FAM20A: variants seen among roughly 807,000 people sequenced by gnomAD.
The protein encoded by FAM20A is FAM20A golgi associated secretory pathway pseudokinase, also known as pseudokinase FAM20A.
FAM20A carries 42 observed loss-of-function variants against 52.0 expected under a neutral mutation model. That is an observed-to-expected ratio of 0.81 (90% CI 0.63 to 1.04). FAM20A has a LOEUF of 1.04. Ranked by LOEUF, FAM20A falls within the 50% of genes least tolerant of loss-of-function variation. FAM20A has a pLI of 0.00. For synonymous variants in FAM20A, 304 were observed against 298.9 expected, an observed-to-expected ratio of 1.02 and a Z score of -0.18; for missense variants, 742 against 712.7, an observed-to-expected ratio of 1.04 and a Z score of -0.47.
chr17:68,594,720 C>T (rs1212646495), intron 1 of FAM20A, among the ~76,000 whole-genome samples: 1 of 152,166 alleles, frequency 6.6e-6, no homozygotes, highest in Non-Finnish European at 1.5e-5. Flanking sequence ...TAATCTTAGC[C>T]TAAAGATTGC....
chr17:68,537,858 C>T lies in FAM20A; in HGVS notation c.1362-117G>A, dbSNP rs1191872072. The T allele has an allele frequency of 2.6e-6, 3 of 1,147,922 alleles. No homozygotes were observed. The highest frequency in any genetic ancestry group is 3.1e-5 in the African/African-American group (2 of 64,950). The allele number at this position is 1,147,922 out of a possible 1,614,324, so 71.1% of individuals were successfully genotyped here. ...ATACTCTTGGCGCCTCTCCTTGTGT[C>T]TTCTCAGGCACATTTTAATGGAAAC... On this transcript the variant is annotated intron_variant, in intron 10 of 10. Coordinates refer to ENST00000592554, the MANE Select transcript of FAM20A (RefSeq NM_017565.4). This position sits in a 1 kb window ranked among gnomAD's most constrained non-coding sequence, Gnocchi z 4.2.
intron 1 of FAM20A, among the ~76,000 whole-genome samples, chr17:68,563,711 CTGT>C: frequency 6.6e-6 from 1 of 152,286 alleles, no homozygotes; most frequent in South Asian, 2.1e-4. Flanking sequence ...TTTAGAGTTA[CTGT>C]TGTTGTTTTA....
In FAM20A at chr17:68,550,164, A is replaced by C. The variant is rs145008940; in HGVS notation, c.719+1709T>G. The stretch of plus-strand genomic sequence containing the variant: ...TTGACTCTAAGTGATGATGACAACC[A>C]ATTCCCCAAATTTTTGACAAGTAAA... On this transcript the variant is annotated intron_variant, in intron 4 of 10. Transcript: ENST00000592554. Among the ~76,000 whole-genome samples the C allele has an allele frequency of 6.6e-4, 100 of 152,260 alleles. No homozygotes were observed. The Middle Eastern group carries it at 0.01, about 16-fold the overall frequency.
intron 1 of FAM20A, among the ~76,000 whole-genome samples, chr17:68,584,317 A>AAAAAC (rs908127396): frequency 3.3e-4 from 40 of 122,928 alleles, no homozygotes; most frequent in Non-Finnish European, 4.9e-4. Context: ...ACTCCATCTC[A>AAAAAC]AAAACAAAAC....
rs2086368339 is a variant in FAM20A, at chr17:68,542,818, G to A, written c.813-9C>T. On this transcript the variant is annotated splice_polypyrimidine_tract_variant and intron_variant, in intron 5 of 10. Coordinates refer to ENST00000592554, the MANE Select transcript of FAM20A (RefSeq NM_017565.4). Reference sequence around the variant, plus strand: ...GTCGGAAGTCCAGAATCCTGCAAGAGAGGAAGCTCTGTTCCATCTGAGGGA... The same window carrying A: ...GTCGGAAGTCCAGAATCCTGCAAGAAAGGAAGCTCTGTTCCATCTGAGGGA... The A allele has an allele frequency of 1.2e-6, 2 of 1,600,232 alleles. No homozygotes were observed. The highest frequency in any genetic ancestry group is 2.7e-5 in the African/African-American group (2 of 74,694).
chr17:68,540,706 C>G, intron 8 of FAM20A, 143 bp downstream of exon 8: 1 of 1,037,242 alleles, frequency 9.6e-7, no homozygotes. Flanking sequence ...TCCTCTGGGA[C>G]CTCCGCCACT....
At chr17:68,569,688 A>AT (rs1244298881) in intron 1 of FAM20A, among the ~76,000 whole-genome samples, 2 of 152,224 alleles carry the variant, frequency 1.3e-5, no homozygotes, top group Non-Finnish European at 2.9e-5. Flanking sequence ...CATTTTCATC[A>AT]TTGTGAAAAG....
chr17:68,594,824 C>T (rs577990936), intron 1 of FAM20A, among the ~76,000 whole-genome samples: 23 of 152,342 alleles, frequency 1.5e-4, no homozygotes, highest in African/African-American at 5.3e-4. Context: ...CTCCTGTGAT[C>T]AGCCCAAGAA....
intron 9 of FAM20A, among the ~76,000 whole-genome samples, 165 bp downstream of exon 9, chr17:68,539,720 A>G (rs1208456462): frequency 6.6e-6 from 1 of 152,234 alleles, no homozygotes; most frequent in Non-Finnish European, 1.5e-5. Flanking sequence ...GGTTCTTGCA[A>G]AGGTAAAGAG....
At chr17:68,592,351 T>C (rs545975347) in intron 1 of FAM20A, among the ~76,000 whole-genome samples, 3 of 152,278 alleles carry the variant, frequency 2.0e-5, no homozygotes, top group East Asian at 3.9e-4. Flanking sequence ...GATTTATGAG[T>C]ATTCAGCCAC....
chr17:68,563,048 C>T (rs1379823597), intron 1 of FAM20A, among the ~76,000 whole-genome samples: 1 of 152,144 alleles, frequency 6.6e-6, no homozygotes, highest in African/African-American at 2.4e-5. Flanking sequence ...GAATGGATCC[C>T]TTTCCTCCAG....
At position 68,600,905 on chromosome 17, in the gene FAM20A, G is replaced by A. The variant is rs2088607202; in HGVS notation, c.-239C>T. The A allele has an allele frequency of 6.1e-6, 3 of 490,926 alleles. No homozygotes were observed. Among genetic ancestry groups the A allele is most frequent in the South Asian group, 7.0e-5 (2 of 28,712 alleles). The allele number at this position is 490,926 out of a possible 1,614,324, so 30.4% of individuals were successfully genotyped here. ...TCAGCGGGCGTCGCTTCTCCGCGCC[G>A]AGTGAGCCGAGGGAATGGGGTTCCC... On this transcript the variant is annotated 5_prime_UTR_variant, in exon 1 of 11. Coordinates refer to ENST00000592554, the MANE Select transcript of FAM20A (RefSeq NM_017565.4). The surrounding 1 kb of genome is among the most constrained non-coding windows in gnomAD (Gnocchi z 6.2).
At chr17:68,545,101 T>A (rs992312773) in intron 4 of FAM20A, among the ~76,000 whole-genome samples, 9 of 152,234 alleles carry the variant, frequency 5.9e-5, no homozygotes, top group African/African-American at 2.2e-4. Flanking sequence ...CGCCTTAAAT[T>A]ACTTACAGAA....
intron 1 of FAM20A, among the ~76,000 whole-genome samples, chr17:68,581,765 A>G (rs2088012245): frequency 6.6e-6 from 1 of 151,752 alleles, no homozygotes; most frequent in Non-Finnish European, 1.5e-5. Flanking sequence ...TAGTAGAGAC[A>G]GGGTTTCACC....
intron 1 of FAM20A, among the ~76,000 whole-genome samples, chr17:68,581,466 CTTT>C (rs2087988909): frequency 5.7e-4 from 3 of 5,264 alleles, no homozygotes; most frequent in Non-Finnish European, 9.9e-4. Context: ...TCTTTCCTTT[CTTT>C]CTTTCTTTCT....
intron 1 of FAM20A, among the ~76,000 whole-genome samples, chr17:68,593,181 C>T (rs978822227): frequency 6.6e-6 from 1 of 152,234 alleles, no homozygotes; most frequent in Non-Finnish European, 1.5e-5. Context: ...ACAGCTGCAG[C>T]TGGTTAGAAT....
intron 4 of FAM20A, among the ~76,000 whole-genome samples, chr17:68,544,687 T>G (rs1357245021): frequency 6.6e-6 from 1 of 151,992 alleles, no homozygotes; most frequent in Non-Finnish European, 1.5e-5. Flanking sequence ...AGATTCTATT[T>G]TAAAAGGTGC....
Position 68,600,930 on chromosome 17 carries a change from C to T in FAM20A, c.-264G>A, listed in dbSNP as rs920544837. On this transcript the variant is annotated 5_prime_UTR_variant, in exon 1 of 11. Coordinates refer to ENST00000592554, the MANE Select transcript of FAM20A (RefSeq NM_017565.4). This position sits in a 1 kb window ranked among gnomAD's most constrained non-coding sequence, Gnocchi z 6.2. ...GAGTGAGCCGAGGGAATGGGGTTCCCGGGGTGCCCGCTTCTTGCGCCTTTT... is the reference window on the plus strand; with the variant it reads ...GAGTGAGCCGAGGGAATGGGGTTCCTGGGGTGCCCGCTTCTTGCGCCTTTT... 9.7e-6 allele frequency: 4 copies of T among 410,886 alleles called. No homozygotes were observed. Among genetic ancestry groups the T allele is most frequent in the Non-Finnish European group, 1.7e-5 (4 of 234,668 alleles). 25.5% of individuals were successfully genotyped at this position (410,886 alleles called of 1,614,324 possible).
rs138744459 is a variant in FAM20A, at chr17:68,581,112, C to T, written c.404+19151G>A. Among the ~76,000 whole-genome samples, 13 of 152,236 alleles carry T rather than the reference C, an allele frequency of 8.5e-5. No homozygotes were observed. The East Asian group carries it at 2.5e-3, about 29-fold the overall frequency. On this transcript the variant is annotated intron_variant, in intron 1 of 10. Transcript: ENST00000592554. The stretch of plus-strand genomic sequence containing the variant: ...CGTCTGATGCTTATTGCCAACTTGC[C>T]CTCCAGAAAGAGAAAGCAACCTATA...
Sources: gnomAD v4.1 joint callset for allele counts (sites outside exome capture counted in the v4.1 genomes callset) on GRCh38, gnomAD v4.1.1 for gene constraint, Gnocchi (gnomAD v3.1) non-coding constraint, MANE v1.5 for transcripts, NCBI Gene and HGNC (gene_info 2026-07-23, HGNC 2026-07-21) for gene names.